The following MINDY4 variants were observed in gnomAD, a reference collection of about 807,000 sequenced individuals.
MINDY4 encodes MINDY lysine 48 deubiquitinase 4, also known as probable ubiquitin carboxyl-terminal hydrolase MINDY-4.
In MINDY4, 68 loss-of-function variants were observed where a neutral mutation model predicts 87.0. The ratio of observed to expected loss-of-function variants is 0.78; its 90% CI spans 0.64 to 0.96. The LOEUF (loss-of-function observed/expected upper bound fraction) is 0.96. MINDY4 is among the 40% of genes least tolerant of loss of function. The probability of loss-of-function intolerance (pLI) is 0.00; values close to 1 mark genes in which losing one functional copy is unlikely to be tolerated. For synonymous variants in MINDY4, 379 were observed against 363.2 expected (o/e 1.04, Z -0.50); for missense variants, 919 against 928.2 (o/e 0.99, Z 0.13).
chr7:30,810,249 G>A (rs184894739), intron 5 of MINDY4, among the ~76,000 whole-genome samples: 11 of 148,054 alleles, frequency 7.4e-5, no homozygotes, highest in African/African-American at 2.0e-4. Flanking sequence ...AGTTGTCTGC[G>A]AAAGTCGTGA....
chr7:30,846,500 A>G (rs1199485153), intron 9 of MINDY4, among the ~76,000 whole-genome samples: 1 of 152,216 alleles, frequency 6.6e-6, no homozygotes, highest in African/African-American at 2.4e-5. Context: ...GCCAGGTGCC[A>G]GCCTCCTGGG....
intron 5 of MINDY4, among the ~76,000 whole-genome samples, chr7:30,818,465 A>C (rs1230594015): frequency 6.6e-6 from 1 of 152,210 alleles, no homozygotes; most frequent in East Asian, 1.9e-4. Context: ...TAACTCATTT[A>C]ATTCTCACAA....
At position 30,792,145 on chromosome 7, in the gene MINDY4, C is replaced by T. The variant is rs368105372; in HGVS notation, c.1073+571C>T. Among the ~76,000 whole-genome samples, 17 of 152,292 alleles carry T rather than the reference C, an allele frequency of 1.1e-4. No homozygotes were observed. In the South Asian group the frequency reaches 2.7e-3, roughly 24 times the overall value. On this transcript the variant is annotated intron_variant, in intron 5 of 17. Transcript: ENST00000265299. ...TTTCTATTTTATTTTATTTTTCATC[C>T]TATCCTTACTTTTATTCTTTACAAT...
intron 1 of MINDY4, among the ~76,000 whole-genome samples, chr7:30,777,098 G>A (rs962669090): frequency 1.0e-4 from 15 of 150,450 alleles, no homozygotes; most frequent in African/African-American, 3.4e-4. Context: ...TGGCCTTGAA[G>A]TCATGAGCTC....
At chr7:30,883,065 A>G in intron 17 of MINDY4, 72 bp downstream of exon 17, 1 of 1,454,166 alleles carries the variant, frequency 6.9e-7, no homozygotes, top group East Asian at 2.3e-5. Context: ...GGGGGTGGTC[A>G]GGCCTGCAGG....
chr7:30,830,030 G>A (rs545143361), intron 6 of MINDY4, among the ~76,000 whole-genome samples: 2 of 152,128 alleles, frequency 1.3e-5, no homozygotes, highest in South Asian at 2.1e-4. Flanking sequence ...ACCCAGTCAC[G>A]GAGAGAGTTC....
intron 5 of MINDY4, among the ~76,000 whole-genome samples, chr7:30,794,328 A>C (rs1053551408): frequency 2.6e-5 from 4 of 152,088 alleles, no homozygotes; most frequent in African/African-American, 4.8e-5. Flanking sequence ...GTGCACATAT[A>C]ATTCTTCTAA....
chr7:30,891,657 T>C (rs770865998), intron 17 of MINDY4, among the ~76,000 whole-genome samples: 1 of 152,076 alleles, frequency 6.6e-6, no homozygotes, highest in Non-Finnish European at 1.5e-5. Context: ...TTCATGTCAG[T>C]GGAGGGCCTC....
chr7:30,771,510 T>C lies in MINDY4; in HGVS notation c.17T>C (p.Val6Ala). 6.2e-7 allele frequency: 1 copy of C among 1,605,680 alleles called. No homozygotes were observed. The part of the protein sequence containing the change: MDSLF[V>A]EEVAASLVRE... ...GCCAGAGCCATGGACAGCCTCTTCG[T>C]GGAGGAGGTGGCCGCCTCCTTGGTC... The change falls in exon 1 of 18, where the codon GTG (valine) becomes GCG (alanine). Residue 6 changes from valine to alanine, a missense_variant. By Grantham distance (64) the Val-to-Ala change is moderately conservative (BLOSUM62 0). Coordinates refer to ENST00000265299, the MANE Select transcript of MINDY4 (RefSeq NM_032222.3).
chr7:30,828,754 C>A lies in MINDY4; in HGVS notation c.1132+17C>A, dbSNP rs996714975. 5.0e-6 allele frequency: 8 copies of A among 1,610,510 alleles called. No homozygotes were observed. In the Admixed American group the frequency reaches 1.0e-4, roughly 20 times the overall value. On this transcript the variant is annotated intron_variant, in intron 6 of 17. Coordinates refer to ENST00000265299, the MANE Select transcript of MINDY4 (RefSeq NM_032222.3). Reference sequence around the variant, plus strand: ...TGCGGCTCGGTAGGTGCAGCGGGTGCCTCTGTGCTGTGCCCATCAGGGCCC... The same window carrying A: ...TGCGGCTCGGTAGGTGCAGCGGGTGACTCTGTGCTGTGCCCATCAGGGCCC...
At chr7:30,781,722 A>C in intron 2 of MINDY4, 1 of 454,292 alleles carries the variant, frequency 2.2e-6, no homozygotes, top group South Asian at 3.1e-5. Context: ...ATTTTATTCT[A>C]GTTGTTTATT....
At chr7:30,800,637 G>T (rs1377482325) in intron 5 of MINDY4, among the ~76,000 whole-genome samples, 3 of 152,220 alleles carry the variant, frequency 2.0e-5, no homozygotes, top group African/African-American at 7.2e-5. Flanking sequence ...GGGCAGGAGG[G>T]CCCTGGGCTT....
rs1002042396 is a variant in MINDY4 at position 30,781,751 on chromosome 7, G to A, written c.184-226G>A. 1.1e-4 allele frequency: 55 copies of A among 514,378 alleles called. 3 individuals carry two copies. The highest frequency in any genetic ancestry group is 1.3e-4 in the East Asian group (4 of 30,812). The allele number at this position is 514,378 out of a possible 1,614,324, so 31.9% of individuals were successfully genotyped here. ...GTTTATTGAATCACCTGCCTCATGC[G>A]TTGGATGCTAGTTCTTTTAGGGTAG... On this transcript the variant is annotated intron_variant, in intron 2 of 17. Transcript: ENST00000265299.
At chr7:30,847,522 T>A (rs1789259443) in intron 9 of MINDY4, among the ~76,000 whole-genome samples, 1 of 150,184 alleles carries the variant, frequency 6.7e-6, no homozygotes, top group Non-Finnish European at 1.5e-5. Flanking sequence ...TTCCTCAGTG[T>A]TTATTTTTTC....
At chr7:30,866,336 G>C (rs1324126867) in intron 13 of MINDY4, among the ~76,000 whole-genome samples, 1 of 152,238 alleles carries the variant, frequency 6.6e-6, no homozygotes, top group Non-Finnish European at 1.5e-5. Flanking sequence ...AGGGTCTCCT[G>C]TGCCAGACCA....
At chr7:30,800,613 G>A (rs1458552174) in intron 5 of MINDY4, among the ~76,000 whole-genome samples, 1 of 152,210 alleles carries the variant, frequency 6.6e-6, no homozygotes, top group Non-Finnish European at 1.5e-5. Context: ...AGCAGTTAAG[G>A]GACGCTATTG....
chr7:30,820,045 G>T (rs1006870271), intron 5 of MINDY4, among the ~76,000 whole-genome samples: 1 of 149,518 alleles, frequency 6.7e-6, no homozygotes, highest in African/African-American at 2.4e-5. Context: ...GGGACTACAG[G>T]CGCCCGCCAC....
At chr7:30,836,963 C>G (rs1397573818) in intron 7 of MINDY4, among the ~76,000 whole-genome samples, 199 bp downstream of exon 7, 3 of 152,122 alleles carry the variant, frequency 2.0e-5, no homozygotes, top group Non-Finnish European at 2.9e-5. Context: ...CTCTCGTTCC[C>G]TCTCCAAGAC....
intron 13 of MINDY4, among the ~76,000 whole-genome samples, chr7:30,860,064 C>T (rs1218303448): frequency 6.6e-6 from 1 of 152,162 alleles, no homozygotes; most frequent in Non-Finnish European, 1.5e-5. Context: ...CATTCACTTT[C>T]AAGCAGAGGA....
Sources: gnomAD v4.1 joint callset for allele counts (sites outside exome capture counted in the v4.1 genomes callset) on GRCh38, gnomAD v4.1.1 for gene constraint, MANE v1.5 for transcripts, NCBI Gene and HGNC (gene_info 2026-07-23, HGNC 2026-07-21) for gene names.